Variants in TYR observed in about 807,000 individuals in gnomAD.
The protein encoded by TYR is tyrosinase, also known as LB24-AB.
TYR carries 58 observed loss-of-function variants against 51.5 expected under a neutral mutation model. The observed-to-expected ratio is 1.13, with a 90% CI of 0.91 to 1.40. The LOEUF (loss-of-function observed/expected upper bound fraction) is 1.40, where lower values mean the gene tolerates loss of function less well. Among genes scored for constraint, TYR ranks in the 40% most tolerant of loss-of-function variants. TYR has a pLI of 0.00. For synonymous variants in TYR, 263 were observed against 235.2 expected (o/e 1.12, Z -1.08); for missense variants, 732 against 647.4 (o/e 1.13, Z -1.42).
chr11:89,214,289 C>T (rs1416364355), intron 2 of TYR, among the ~76,000 whole-genome samples: 2 of 152,220 alleles, frequency 1.3e-5, no homozygotes, highest in Non-Finnish European at 2.9e-5. Context: ...AAATCCTCAT[C>T]ATCCCTGGTC....
chr11:89,284,836 A>G lies in TYR; in HGVS notation c.1248A>G (p.Ala416=). 6.2e-7 allele frequency: 1 copy of G among 1,611,934 alleles called. No individual in the cohort carries two copies. Residue 416 remains alanine, a synonymous_variant, in exon 4 of 5, where the codon GCA becomes GCG. Transcript: ENST00000263321. The part of the protein sequence containing the change: ...PLQEVYPEAN[A]PIGHNRESYM... ...AAGAAGTTTATCCAGAAGCCAATGC[A>G]CCCATTGGACATAACCGGGAATCCT...
At position 89,178,788 on chromosome 11, in the gene TYR, T is replaced by C; in HGVS notation, c.819+16T>C. The C allele has an allele frequency of 6.2e-7, 1 of 1,613,310 alleles. No individual in the cohort carries two copies. The highest frequency in any genetic ancestry group is 8.5e-7 in the Non-Finnish European group (1 of 1,179,452). Reference sequence around the variant, plus strand: ...CTCTTGGCAGGTAAGATATGCTAGATATACGATGTCAGAGTAGGGAGGAAC... The same window carrying C: ...CTCTTGGCAGGTAAGATATGCTAGACATACGATGTCAGAGTAGGGAGGAAC... On this transcript the variant is annotated intron_variant, in intron 1 of 4. Coordinates refer to ENST00000263321, the MANE Select transcript of TYR (RefSeq NM_000372.5).
chr11:89,205,579 C>A lies in TYR; in HGVS notation c.1036+14161C>A, dbSNP rs184032339. On this transcript the variant is annotated intron_variant, in intron 2 of 4. Transcript: ENST00000263321. ...TGACACTATGGAGGCCAGAAGGTGGCACTGCATTTTTCAAATGCTGAAAAA... is the reference window on the plus strand; with the variant it reads ...TGACACTATGGAGGCCAGAAGGTGGAACTGCATTTTTCAAATGCTGAAAAA... 4.7e-4 allele frequency among the ~76,000 whole-genome samples: 71 copies of A among 152,014 alleles called. 1 individual carries two copies. Among genetic ancestry groups the A allele is most frequent in the African/African-American group, 1.4e-3 (58 of 41,484 alleles).
At chr11:89,281,935 C>G (rs565490372) in intron 3 of TYR, among the ~76,000 whole-genome samples, 141 of 151,820 alleles carry the variant, frequency 9.3e-4, no homozygotes, top group African/African-American at 3.3e-3. Context: ...GATGACTACC[C>G]CCTCCTCCCC....
chr11:89,196,602 CA>C, intron 2 of TYR, among the ~76,000 whole-genome samples: 1 of 152,262 alleles, frequency 6.6e-6, no homozygotes, highest in African/African-American at 2.4e-5. Context: ...AGTGTAAAAT[CA>C]AATTAATCAT....
chr11:89,204,666 G>A (rs1943648485), intron 2 of TYR, among the ~76,000 whole-genome samples: 2 of 152,024 alleles, frequency 1.3e-5, no homozygotes, highest in African/African-American at 4.8e-5. Flanking sequence ...CCAAAGTACT[G>A]GGATTACAGG....
At chr11:89,262,744 A>G (rs1351611745) in intron 3 of TYR, among the ~76,000 whole-genome samples, 9 of 145,978 alleles carry the variant, frequency 6.2e-5, no homozygotes. Flanking sequence ...TAGATAAAGT[A>G]GATAAAATAA....
At chr11:89,267,608 C>T (rs1045972807) in intron 3 of TYR, among the ~76,000 whole-genome samples, 1 of 151,878 alleles carries the variant, frequency 6.6e-6, no homozygotes, top group African/African-American at 2.4e-5. Context: ...TCTGAAAACC[C>T]TCTGGGATAG....
intron 3 of TYR, among the ~76,000 whole-genome samples, chr11:89,271,413 A>G (rs2135314896): frequency 6.6e-6 from 1 of 152,074 alleles, no homozygotes; most frequent in East Asian, 1.9e-4. Context: ...ATATTGTAGT[A>G]TATTTATGGT....
At chr11:89,184,555 C>G (rs1943343861) in intron 1 of TYR, among the ~76,000 whole-genome samples, 1 of 152,026 alleles carries the variant, frequency 6.6e-6, no homozygotes, top group African/African-American at 2.4e-5. Context: ...TCATATGGCC[C>G]TAAGACAAGT....
chr11:89,192,076 A>G (rs1259839529), intron 2 of TYR: 1 of 420,188 alleles, frequency 2.4e-6, no homozygotes, highest in South Asian at 1.7e-5. Flanking sequence ...GCACATAGGT[A>G]AAGCCTCCCT....
intron 3 of TYR, among the ~76,000 whole-genome samples, chr11:89,269,833 T>C (rs1244397466): frequency 2.0e-5 from 3 of 151,922 alleles, no homozygotes; most frequent in African/African-American, 7.2e-5. Flanking sequence ...TCCTCAAATG[T>C]GTTTCAACAT....
chr11:89,247,335 A>G (rs1038267326), intron 3 of TYR, among the ~76,000 whole-genome samples: 1 of 152,210 alleles, frequency 6.6e-6, no homozygotes, highest in Non-Finnish European at 1.5e-5. Flanking sequence ...AAGTTGTTGT[A>G]TAATTGATAA....
At chr11:89,211,240 C>A (rs1450406059) in intron 2 of TYR, among the ~76,000 whole-genome samples, 1 of 151,922 alleles carries the variant, frequency 6.6e-6, no homozygotes, top group Non-Finnish European at 1.5e-5. Flanking sequence ...CACACATAGG[C>A]TCAAAATAAA....
At chr11:89,250,915 G>T (rs1009786667) in intron 3 of TYR, among the ~76,000 whole-genome samples, 1 of 151,874 alleles carries the variant, frequency 6.6e-6, no homozygotes. Context: ...ACTTGACGTT[G>T]AAAATGTTAA....
At chr11:89,250,037 G>C (rs1944313336) in intron 3 of TYR, among the ~76,000 whole-genome samples, 1 of 152,036 alleles carries the variant, frequency 6.6e-6, no homozygotes. Flanking sequence ...GAGGTCATCA[G>C]TTCTTAAGGG....
At chr11:89,209,676 G>A (rs989163345) in intron 2 of TYR, among the ~76,000 whole-genome samples, 9 of 152,258 alleles carry the variant, frequency 5.9e-5, no homozygotes, top group African/African-American at 1.4e-4. Flanking sequence ...CCCTGACCCC[G>A]TGTAGCCTGA....
chr11:89,219,055 A>G (rs538580349), intron 2 of TYR, among the ~76,000 whole-genome samples: 2 of 152,224 alleles, frequency 1.3e-5, no homozygotes, highest in African/African-American at 4.8e-5. Flanking sequence ...TGAAGATTAC[A>G]TAAGTCAGTA....
chr11:89,260,067 G>A (rs568649063), intron 3 of TYR, among the ~76,000 whole-genome samples: 3 of 151,954 alleles, frequency 2.0e-5, no homozygotes, highest in Admixed American at 2.0e-4. Flanking sequence ...ATTCTTTGGT[G>A]GTTAAAAAGA....
Sources: gnomAD v4.1 joint callset for allele counts (sites outside exome capture counted in the v4.1 genomes callset) on GRCh38, gnomAD v4.1.1 for gene constraint, MANE v1.5 for transcripts, NCBI Gene and HGNC (gene_info 2026-07-23, HGNC 2026-07-21) for gene names.